Variants in PDE5A observed in about 807,000 individuals in gnomAD.
The protein encoded by PDE5A is cGMP-specific 3',5'-cyclic phosphodiesterase.
A neutral mutation model predicts 110.2 loss-of-function variants in PDE5A; 67 were observed. That is an observed-to-expected ratio of 0.61 (90% confidence interval 0.50 to 0.75). The LOEUF is 0.75. Among genes scored for constraint, PDE5A ranks in the 30% least tolerant of loss-of-function variants. The probability of loss-of-function intolerance (pLI) is 0.00; values close to 1 mark genes in which losing one functional copy is unlikely to be tolerated. For missense variants in PDE5A, 862 were observed against 1,045.1 expected, an observed-to-expected ratio of 0.82 and a Z score of 2.42; for synonymous variants, 328 against 351.2, an observed-to-expected ratio of 0.93 and a Z score of 0.74.
intron 3 of PDE5A, among the ~76,000 whole-genome samples, chr4:119,577,733 C>G (rs1002406443): frequency 1.3e-5 from 2 of 152,148 alleles, no homozygotes; most frequent in African/African-American, 4.8e-5. Context: ...CAATATCATA[C>G]TGAATGGGCA....
At chr4:119,565,197 T>C (rs1418234522) in intron 5 of PDE5A, 124 bp downstream of exon 5, 2 of 647,898 alleles carry the variant, frequency 3.1e-6, no homozygotes, top group Non-Finnish European at 2.7e-6. Flanking sequence ...CTAGAAAAAA[T>C]AAAGTATTGA....
chr4:119,580,708 C>T (rs564078486), intron 3 of PDE5A, among the ~76,000 whole-genome samples: 319 of 152,352 alleles, frequency 2.1e-3, no homozygotes, highest in Middle Eastern at 0.01. Context: ...GGAATCACTG[C>T]TCCTAAGCCA....
intron 20 of PDE5A, among the ~76,000 whole-genome samples, chr4:119,500,574 A>G (rs1318006055): frequency 1.1e-4 from 16 of 152,174 alleles, no homozygotes; most frequent in Admixed American, 3.3e-4. Context: ...ATTAAAACTT[A>G]AAACATTTCC....
intron 1 of PDE5A, among the ~76,000 whole-genome samples, chr4:119,610,306 G>A (rs1250792636): frequency 1.3e-5 from 2 of 152,146 alleles, no homozygotes; most frequent in Non-Finnish European, 2.9e-5. Context: ...TGCATAGGAA[G>A]CTTTCAAATA....
At chr4:119,610,558 T>C (rs1402425830) in intron 1 of PDE5A, among the ~76,000 whole-genome samples, 1 of 152,164 alleles carries the variant, frequency 6.6e-6, no homozygotes, top group African/African-American at 2.4e-5. Context: ...CGTGGATATC[T>C]AGACCACTTA....
intron 7 of PDE5A, 36 bp from the exon 8 acceptor site, chr4:119,553,782 G>C: frequency 9.3e-7 from 1 of 1,078,400 alleles, no homozygotes; most frequent in Non-Finnish European, 1.4e-6. Flanking sequence ...CCTCTGTGCA[G>C]TTAAAAAAAA....
chr4:119,572,761 T>C (rs1454808936), intron 3 of PDE5A, among the ~76,000 whole-genome samples: 1 of 152,208 alleles, frequency 6.6e-6, no homozygotes, highest in Non-Finnish European at 1.5e-5. Flanking sequence ...CTCAGATGAT[T>C]ACAAATGCTG....
At chr4:119,625,223 T>A (rs1269100329) in intron 1 of PDE5A, among the ~76,000 whole-genome samples, 1 of 152,144 alleles carries the variant, frequency 6.6e-6, no homozygotes, top group Admixed American at 6.5e-5. Context: ...GGTCTTGAAC[T>A]CCTGACGTCG....
intron 9 of PDE5A, chr4:119,548,450 T>C (rs1727219158): frequency 6.6e-6 from 1 of 152,252 alleles, no homozygotes; most frequent in Non-Finnish European, 1.5e-5. Flanking sequence ...GTTTTAATTT[T>C]ACTCAATGAA....
intron 3 of PDE5A, among the ~76,000 whole-genome samples, chr4:119,588,583 AAAC>A (rs1728856645): frequency 6.6e-6 from 1 of 152,166 alleles, no homozygotes; most frequent in Non-Finnish European, 1.5e-5. Flanking sequence ...TTACTTGTCA[AAAC>A]AAGATAATTT....
chr4:119,588,226 G>A (rs1728835662), intron 3 of PDE5A, among the ~76,000 whole-genome samples: 1 of 145,482 alleles, frequency 6.9e-6, no homozygotes, highest in African/African-American at 2.6e-5. Context: ...CCAGGCTGGA[G>A]TGCACTGGCA....
intron 7 of PDE5A, among the ~76,000 whole-genome samples, chr4:119,559,702 C>T (rs995285808): frequency 7.2e-5 from 11 of 152,194 alleles, no homozygotes; most frequent in African/African-American, 2.7e-4. Flanking sequence ...GTCAAATCTG[C>T]TAGAAAATGC....
intron 3 of PDE5A, among the ~76,000 whole-genome samples, chr4:119,580,543 G>C (rs753590961): frequency 1.8e-4 from 27 of 152,128 alleles, no homozygotes; most frequent in Non-Finnish European, 3.2e-4. Context: ...GGAGGAAATG[G>C]ACATTTTCTG....
At chr4:119,514,185 A>G (rs1291630781) in intron 14 of PDE5A, among the ~76,000 whole-genome samples, 1 of 152,190 alleles carries the variant, frequency 6.6e-6, no homozygotes, top group Non-Finnish European at 1.5e-5. Flanking sequence ...TTGTTGGTCC[A>G]TCTCTGACAG....
intron 11 of PDE5A, among the ~76,000 whole-genome samples, chr4:119,532,836 T>C (rs931374794): frequency 2.6e-5 from 4 of 152,094 alleles, no homozygotes; most frequent in Non-Finnish European, 4.4e-5. Flanking sequence ...ATTTGCTCAA[T>C]TGTGTAATCT....
chr4:119,611,833 G>A (rs1032684645), intron 1 of PDE5A, among the ~76,000 whole-genome samples: 1 of 152,164 alleles, frequency 6.6e-6, no homozygotes, highest in Non-Finnish European at 1.5e-5. Context: ...AGGAAAACAT[G>A]TTATCATAAC....
chr4:119,550,297 A>G (rs1727295514), intron 9 of PDE5A: 2 of 152,218 alleles, frequency 1.3e-5, no homozygotes, highest in African/African-American at 4.8e-5. Flanking sequence ...TGGCTCTGTC[A>G]TCAAGTAGGG....
chr4:119,598,603 C>T (rs553880890), intron 2 of PDE5A, among the ~76,000 whole-genome samples: 6 of 152,286 alleles, frequency 3.9e-5, no homozygotes, highest in Non-Finnish European at 8.8e-5. Context: ...GAATTCCTTC[C>T]TGCTGAAGAC....
At chr4:119,604,528 C>G (rs1729460184) in intron 2 of PDE5A, among the ~76,000 whole-genome samples, 1 of 152,138 alleles carries the variant, frequency 6.6e-6, no homozygotes, top group Non-Finnish European at 1.5e-5. Flanking sequence ...CTCTTGGAAT[C>G]TGCTACAGTG....
Sources: gnomAD v4.1 joint callset for allele counts (sites outside exome capture counted in the v4.1 genomes callset) on GRCh38, gnomAD v4.1.1 for gene constraint, MANE v1.5 for transcripts, NCBI Gene and HGNC (gene_info 2026-07-23, HGNC 2026-07-21) for gene names.